The following DUS2 variants were observed in gnomAD, a reference collection of about 807,000 sequenced individuals.
DUS2 encodes tRNA-dihydrouridine(20) synthase [NAD(P)+]-like.
In DUS2, 52 loss-of-function variants were observed where a neutral mutation model predicts 71.3. That is an observed-to-expected ratio of 0.73 (90% CI 0.58 to 0.92). The LOEUF (loss-of-function observed/expected upper bound fraction) is 0.92. Among genes scored for constraint, DUS2 ranks in the 40% least tolerant of loss-of-function variants. The probability of loss-of-function intolerance (pLI) is 0.00; values close to 1 mark genes in which losing one functional copy is unlikely to be tolerated. For missense variants in DUS2, 558 were observed against 622.6 expected (o/e 0.90, Z 1.10); for synonymous variants, 204 against 227.8 (o/e 0.90, Z 0.94).
At chr16:68,042,705 A>ATTTTAT (rs1440165415) in intron 3 of DUS2, among the ~76,000 whole-genome samples, 1 of 149,472 alleles carries the variant, frequency 6.7e-6, no homozygotes, top group Non-Finnish European at 1.5e-5. Flanking sequence ...TTTTATTTTT[A>ATTTTAT]TTTTATTTTT....
chr16:68,079,151 A>G lies in DUS2; in HGVS notation c.*165A>G. 1 of 578,012 alleles carries G rather than the reference A, an allele frequency of 1.7e-6. No homozygotes were observed. Among genetic ancestry groups the G allele is most frequent in the Non-Finnish European group, 2.9e-6 (1 of 348,918 alleles). 35.8% of individuals were successfully genotyped at this position (578,012 alleles called of 1,614,324 possible). ...CTAGAGCATGGACCAGGGGCCGCCC[A>G]GGGGTGGATCCTGGCCCCTTTGGTG... is the stretch of plus-strand genomic sequence containing the variant. On this transcript the variant is annotated 3_prime_UTR_variant, in exon 17 of 17. Coordinates refer to ENST00000565263, the MANE Select transcript of DUS2 (RefSeq NM_017803.5).
chr16:68,076,900 G>T (rs2034166179), intron 15 of DUS2, among the ~76,000 whole-genome samples, 181 bp downstream of exon 15: 1 of 150,526 alleles, frequency 6.6e-6, no homozygotes, highest in East Asian at 1.9e-4. Flanking sequence ...GTCCAGTTCA[G>T]CCAGACATCT....
intron 2 of DUS2, among the ~76,000 whole-genome samples, chr16:68,037,590 G>A (rs1473247985): frequency 6.6e-6 from 1 of 151,688 alleles, no homozygotes; most frequent in Non-Finnish European, 1.5e-5. Flanking sequence ...GCTAATTTTT[G>A]TATTTTTTAG....
intron 10 of DUS2, among the ~76,000 whole-genome samples, chr16:68,067,516 A>G (rs1297367672): frequency 6.6e-6 from 1 of 151,476 alleles, no homozygotes; most frequent in African/African-American, 2.4e-5. Flanking sequence ...TCCTGATCTC[A>G]GGTGATCTGC....
At chr16:68,052,199 C>T (rs973712565) in intron 4 of DUS2, among the ~76,000 whole-genome samples, 3 of 152,136 alleles carry the variant, frequency 2.0e-5, no homozygotes, top group East Asian at 1.9e-4. Context: ...AGCCACCGCA[C>T]CCAGCCACTT....
chr16:68,042,897 C>T (rs1374829649), intron 3 of DUS2, among the ~76,000 whole-genome samples: 5 of 151,730 alleles, frequency 3.3e-5, no homozygotes, highest in South Asian at 2.1e-4. Flanking sequence ...TTGGTAGAGA[C>T]GGGTTTTTCC....
rs1438969270 is a variant in DUS2 at position 68,066,662 on chromosome 16, G to A, written c.554+26G>A. ...GTGAGTGGTCACCTTTCTAGTGACT[G>A]GCAGGGAGGTCCTAACCCATCTTAG... On this transcript the variant is annotated intron_variant, in intron 10 of 16. Transcript: ENST00000565263. 6 of 1,610,808 alleles carry A rather than the reference G, an allele frequency of 3.7e-6. No individual in the cohort carries two copies. The Admixed American group carries it at 1.0e-4, about 27-fold the overall frequency.
chr16:68,026,261 G>T (rs1204227767), intron 2 of DUS2, among the ~76,000 whole-genome samples: 1 of 152,094 alleles, frequency 6.6e-6, no homozygotes, highest in Non-Finnish European at 1.5e-5. Context: ...GAAGTGCTGG[G>T]ATTACAGATG....
At chr16:68,066,001 G>T (rs970750627) in intron 8 of DUS2, among the ~76,000 whole-genome samples, 1 of 152,134 alleles carries the variant, frequency 6.6e-6, no homozygotes, top group African/African-American at 2.4e-5. Flanking sequence ...TCTGGTATTT[G>T]TCCTGGCAAA....
At chr16:68,056,929 C>T (rs2033862091) in intron 7 of DUS2, among the ~76,000 whole-genome samples, 2 of 139,162 alleles carry the variant, frequency 1.4e-5, no homozygotes, top group African/African-American at 2.6e-5. Flanking sequence ...TATAATAATA[C>T]ACATATATGT....
chr16:68,041,931 A>G (rs1378096283), intron 3 of DUS2, among the ~76,000 whole-genome samples: 1 of 151,314 alleles, frequency 6.6e-6, no homozygotes, highest in African/African-American at 2.4e-5. Context: ...CAGTAGTGTT[A>G]TGTATATTGA....
chr16:68,051,620 G>T (rs1794340883), intron 4 of DUS2, among the ~76,000 whole-genome samples: 1 of 151,994 alleles, frequency 6.6e-6, no homozygotes, highest in Admixed American at 6.6e-5. Flanking sequence ...CAAACTCCTG[G>T]CCTCAAGTGA....
chr16:68,050,628 C>T (rs1049987017), intron 4 of DUS2, among the ~76,000 whole-genome samples: 4 of 151,962 alleles, frequency 2.6e-5, no homozygotes, highest in African/African-American at 7.3e-5. Flanking sequence ...TTATATATAT[C>T]CCTCTTCTAG....
chr16:68,037,235 A>G (rs1164184706), intron 2 of DUS2, among the ~76,000 whole-genome samples: 1 of 151,464 alleles, frequency 6.6e-6, no homozygotes, highest in East Asian at 1.9e-4. Context: ...TAGGTACTTA[A>G]TAAATATTCG....
chr16:68,032,991 G>A (rs1184286237), intron 2 of DUS2, among the ~76,000 whole-genome samples: 1 of 152,090 alleles, frequency 6.6e-6, no homozygotes, highest in East Asian at 1.9e-4. Flanking sequence ...GTGAGGGTGA[G>A]GCTGGAGAGG....
At chr16:68,072,407 G>A (rs538971278) in intron 12 of DUS2, among the ~76,000 whole-genome samples, 9 of 152,364 alleles carry the variant, frequency 5.9e-5, no homozygotes, top group Non-Finnish European at 8.8e-5. Context: ...CCAAGAAGAC[G>A]TGCTGAACAG....
chr16:68,057,863 A>G (rs1441639560), intron 7 of DUS2, among the ~76,000 whole-genome samples: 1 of 143,766 alleles, frequency 7.0e-6, no homozygotes, highest in Non-Finnish European at 1.5e-5. Context: ...CTGGGTGACA[A>G]GAGCGAAAAT....
intron 13 of DUS2, 109 bp from the exon 14 acceptor site, chr16:68,075,246 T>G: frequency 9.3e-7 from 1 of 1,080,018 alleles, no homozygotes; most frequent in Non-Finnish European, 1.3e-6. Context: ...GGTGGTGTTT[T>G]GGTGTATGTG....
Position 68,039,874 on chromosome 16 carries a change from GA to G in DUS2, c.126+1728del, listed in dbSNP as rs368726765. On this transcript the variant is annotated intron_variant, in intron 3 of 16. Coordinates refer to ENST00000565263, the MANE Select transcript of DUS2 (RefSeq NM_017803.5). ...GGAATGAATAGCAGATGAGGGAATA[GA>G]AATAGGGCTGCCAACTACCCCTTCA... 1.6e-3 allele frequency among the ~76,000 whole-genome samples: 251 copies of G among 152,256 alleles called. 8 individuals are homozygous for G. In the South Asian group the frequency reaches 0.05, roughly 30 times the overall value.
Sources: gnomAD v4.1 joint callset for allele counts (sites outside exome capture counted in the v4.1 genomes callset) on GRCh38, gnomAD v4.1.1 for gene constraint, MANE v1.5 for transcripts, NCBI Gene and HGNC (gene_info 2026-07-23, HGNC 2026-07-21) for gene names.